ADRA1B: variants seen among roughly 807,000 people sequenced by gnomAD.
ADRA1B encodes the protein alpha-1B adrenergic receptor.
Under a neutral mutation model 17.9 loss-of-function variants are expected in ADRA1B, and 17 were observed. The ratio of observed to expected loss-of-function variants is 0.95; its 90% CI spans 0.65 to 1.42. ADRA1B has a LOEUF of 1.42. Ranked by LOEUF, ADRA1B falls within the 40% of genes most tolerant of loss-of-function variation. The probability of loss-of-function intolerance (pLI) is 0.00; values close to 1 mark genes in which losing one functional copy is unlikely to be tolerated. For synonymous variants in ADRA1B, 366 were observed against 327.6 expected (o/e 1.12, Z -1.27); for missense variants, 681 against 722.1 (o/e 0.94, Z 0.65).
At chr5:159,874,772 G>A (rs918390894) in intron 1 of ADRA1B, among the ~76,000 whole-genome samples, 2 of 152,188 alleles carry the variant, frequency 1.3e-5, no homozygotes, top group South Asian at 2.1e-4. Context: ...GAGTCCTCAG[G>A]TCCATGGAAA....
the ADRA1B span, among the ~76,000 whole-genome samples, chr5:159,988,991 C>A: frequency 6.6e-6 from 1 of 152,172 alleles, no homozygotes; most frequent in South Asian, 2.1e-4. Context: ...AATATCTCTT[C>A]CAGACACTGC....
At chr5:159,884,377 A>T (rs542237061) in intron 1 of ADRA1B, among the ~76,000 whole-genome samples, 1 of 152,300 alleles carries the variant, frequency 6.6e-6, no homozygotes, top group South Asian at 2.1e-4. Flanking sequence ...GATTAATGCC[A>T]TTATCCAGGA....
At chr5:159,946,070 A>T (rs1380305216) in intron 1 of ADRA1B, among the ~76,000 whole-genome samples, 1 of 152,150 alleles carries the variant, frequency 6.6e-6, no homozygotes, top group Non-Finnish European at 1.5e-5. Flanking sequence ...TAAAGACTTC[A>T]TTGGGTAAGT....
At chr5:159,920,043 A>C (rs1754437732) in intron 1 of ADRA1B, among the ~76,000 whole-genome samples, 1 of 152,214 alleles carries the variant, frequency 6.6e-6, no homozygotes, top group African/African-American at 2.4e-5. Flanking sequence ...TATCAGAATC[A>C]CTTGTGAAAC....
chr5:159,951,084 A>T, intron 1 of ADRA1B: 1 of 732,236 alleles, frequency 1.4e-6, no homozygotes, highest in East Asian at 2.6e-5. Flanking sequence ...CTGTTGTCAT[A>T]CTTCTTGTGG....
intron 1 of ADRA1B, among the ~76,000 whole-genome samples, chr5:159,878,184 G>A (rs1210988073): frequency 6.6e-6 from 1 of 152,220 alleles, no homozygotes; most frequent in Non-Finnish European, 1.5e-5. Context: ...TCTTGAATCA[G>A]TCGGGTCCAG....
intron 1 of ADRA1B, among the ~76,000 whole-genome samples, chr5:159,923,478 G>A (rs1450968376): frequency 6.6e-6 from 1 of 152,280 alleles, no homozygotes; most frequent in Admixed American, 6.5e-5. Flanking sequence ...GAGTCCGCAA[G>A]AGAGGAAATG....
rs549487669 is a variant in ADRA1B, at chr5:159,951,451, G to A, written c.950-20428G>A. 8 of 740,318 alleles carry A rather than the reference G, an allele frequency of 1.1e-5. No homozygotes were observed. The South Asian group carries it at 1.1e-4, about 10-fold the overall frequency. 45.9% of individuals were successfully genotyped at this position (740,318 alleles called of 1,614,324 possible). A position where few individuals can be genotyped will look rare whatever the true frequency, so the allele number is the denominator to read the frequency against. On this transcript the variant is annotated intron_variant, in intron 1 of 1. Transcript: ENST00000306675. ...AGTTAAAAGCTGCCCTGGTGAGCAGGTGCCCAATACATCCAAATCCGTTGA... is the reference window on the plus strand; with the variant it reads ...AGTTAAAAGCTGCCCTGGTGAGCAGATGCCCAATACATCCAAATCCGTTGA...
At chr5:159,943,080 C>A (rs760865891) in intron 1 of ADRA1B, among the ~76,000 whole-genome samples, 1 of 151,924 alleles carries the variant, frequency 6.6e-6, no homozygotes. Context: ...GGCATGGTGG[C>A]GTGCACTTGT....
At chr5:159,932,484 A>C (rs1754838029) in intron 1 of ADRA1B, among the ~76,000 whole-genome samples, 1 of 152,208 alleles carries the variant, frequency 6.6e-6, no homozygotes. Flanking sequence ...TGCTGCACTG[A>C]ATTCCATAAT....
chr5:159,973,936 G>A (rs1755933459), downstream of ADRA1B, among the ~76,000 whole-genome samples: 1 of 152,200 alleles, frequency 6.6e-6, no homozygotes, highest in Non-Finnish European at 1.5e-5. Context: ...TAGGAGGAAC[G>A]CTCTTCCCCC....
Position 159,929,587 on chromosome 5 carries a change from T to A in ADRA1B, c.949+11733T>A, listed in dbSNP as rs956905021. ...ATGAGATTTTCTATACTTTTTTTCT[T>A]TACAATGTTTTGTAAAGAATGCCTG... On this transcript the variant is annotated intron_variant, in intron 1 of 1. Transcript: ENST00000306675. 3.9e-5 allele frequency among the ~76,000 whole-genome samples: 6 copies of A among 152,258 alleles called. No individual in the cohort carries two copies. In the South Asian group the frequency reaches 1.0e-3, roughly 26 times the overall value.
chr5:159,926,255 G>C (rs370978976), intron 1 of ADRA1B, among the ~76,000 whole-genome samples: 1 of 152,046 alleles, frequency 6.6e-6, no homozygotes, highest in African/African-American at 2.4e-5. Context: ...GTAAACATGC[G>C]GTTCTGCTGA....
chr5:159,895,446 C>T (rs1036614792), intron 1 of ADRA1B, among the ~76,000 whole-genome samples: 8 of 152,170 alleles, frequency 5.3e-5, no homozygotes, highest in African/African-American at 1.9e-4. Context: ...TCTTAGAAAA[C>T]AGGAAATTAA....
intron 1 of ADRA1B, among the ~76,000 whole-genome samples, chr5:159,939,696 A>C (rs1241391469): frequency 6.6e-6 from 1 of 152,196 alleles, no homozygotes; most frequent in African/African-American, 2.4e-5. Flanking sequence ...ATTAATAGCC[A>C]GTAAGGCAGG....
At chr5:159,914,847 T>C (rs147594526), upstream of ADRA1B, among the ~76,000 whole-genome samples, 584 of 152,332 alleles carry the variant, frequency 3.8e-3, 6 homozygotes, top group African/African-American at 0.013. Context: ...GATGCAGGCT[T>C]GTGAACTGGA....
chr5:159,977,251 A>C (rs1380909345), downstream of ADRA1B, among the ~76,000 whole-genome samples: 2 of 152,208 alleles, frequency 1.3e-5, no homozygotes, highest in Non-Finnish European at 2.9e-5. Flanking sequence ...CAATATATAG[A>C]AGAAGCCAGA....
At chr5:159,984,606 A>G in the ADRA1B span, among the ~76,000 whole-genome samples, 1 of 152,096 alleles carries the variant, frequency 6.6e-6, no homozygotes, top group African/African-American at 2.4e-5. Flanking sequence ...TCTCTTTGAA[A>G]AGTAAATGAG....
rs546581285 is a variant in ADRA1B, at chr5:159,954,911, G to A, written c.950-16968G>A. On this transcript the variant is annotated intron_variant, in intron 1 of 1. Coordinates refer to ENST00000306675, the MANE Select transcript of ADRA1B (RefSeq NM_000679.4). ...GTGTCCTACAGGACATCTTCAAGTT[G>A]TACTGCTACCTGGAAGGTTTCCCCG... Among the ~76,000 whole-genome samples the A allele has an allele frequency of 2.6e-5, 4 of 152,268 alleles. No individual in the cohort carries two copies. The East Asian group carries it at 7.7e-4, about 29-fold the overall frequency.
Sources: allele counts gnomAD v4.1 joint callset (sites outside exome capture counted in the v4.1 genomes callset), GRCh38; gene constraint gnomAD v4.1.1; transcripts MANE v1.5; gene names NCBI Gene and HGNC (gene_info 2026-07-23, HGNC 2026-07-21).